Variants in TECPR2 observed in about 807,000 individuals in gnomAD.
TECPR2 encodes the protein tectonin beta-propeller repeat containing 2, also known as tectonin beta-propeller repeat-containing protein 2.
Under a neutral mutation model 138.1 loss-of-function variants are expected in TECPR2, and 65 were observed. The ratio of observed to expected loss-of-function variants is 0.47; its 90% CI spans 0.39 to 0.58. The LOEUF (loss-of-function observed/expected upper bound fraction) is 0.58, where lower values mean the gene tolerates loss of function less well. Among genes scored for constraint, TECPR2 ranks in the 20% least tolerant of loss-of-function variants. The pLI, the probability that TECPR2 is intolerant of heterozygous loss-of-function variation, is 0.00. For synonymous variants in TECPR2, 746 were observed against 749.8 expected (o/e 0.99, Z 0.08); for missense variants, 1,553 against 1,824.5 (o/e 0.85, Z 2.71).
At chr14:102,448,931 A>G (rs1053210887) in intron 13 of TECPR2, among the ~76,000 whole-genome samples, 10 of 151,978 alleles carry the variant, frequency 6.6e-5, no homozygotes, top group African/African-American at 2.4e-4. Flanking sequence ...GTTTCTAAGT[A>G]CCGTATACTG....
chr14:102,432,979 C>T (rs1017447806), intron 8 of TECPR2, among the ~76,000 whole-genome samples: 6 of 145,202 alleles, frequency 4.1e-5, no homozygotes, highest in South Asian at 2.2e-4. Flanking sequence ...ACTCCAGCCT[C>T]GCAACAGAGC....
intron 17 of TECPR2, among the ~76,000 whole-genome samples, chr14:102,481,862 C>G (rs1459499997): frequency 6.6e-6 from 1 of 152,122 alleles, no homozygotes; most frequent in Non-Finnish European, 1.5e-5. Flanking sequence ...CCCATTCCCC[C>G]AGCCACCCAC....
chr14:102,414,631 G>T lies in TECPR2; in HGVS notation c.481-5G>T, dbSNP rs779104316. The T allele has an allele frequency of 6.2e-7, 1 of 1,614,054 alleles. No homozygotes were observed. Among genetic ancestry groups the T allele is most frequent in the South Asian group, 1.1e-5 (1 of 91,072 alleles). ...TGTGAGGTGTAACCAGACTTTCTCT[G>T]CCAGGGGCTCTGTAACTCCCAGCTG... On this transcript the variant is annotated splice_polypyrimidine_tract_variant and splice_region_variant and intron_variant, in intron 4 of 19. Coordinates refer to ENST00000359520, the MANE Select transcript of TECPR2 (RefSeq NM_014844.5).
rs1195402275 is a variant in TECPR2 at position 102,384,743 on chromosome 14, GTA to G, written c.219+7805_219+7806del. 2.7e-5 allele frequency among the ~76,000 whole-genome samples: 4 copies of G among 146,340 alleles called. 1 individual carries two copies. Among genetic ancestry groups the G allele is most frequent in the African/African-American group, 1.0e-4 (4 of 39,730 alleles). On this transcript the variant is annotated intron_variant, in intron 2 of 19. Coordinates refer to ENST00000359520, the MANE Select transcript of TECPR2 (RefSeq NM_014844.5). Reference sequence around the variant, plus strand: ...TATATATACACATATATATGTATATGTATGTGTGTGTATATATATATATCTAT... The same window carrying G: ...TATATATACACATATATATGTATATGTGTGTGTGTATATATATATATCTAT...
intron 17 of TECPR2, among the ~76,000 whole-genome samples, chr14:102,476,379 A>AC (rs1158301091): frequency 1.4e-5 from 2 of 144,022 alleles, no homozygotes; most frequent in East Asian, 4.4e-4. Context: ...AAAAAAAAAA[A>AC]AACAACAAAA....
intron 4 of TECPR2, among the ~76,000 whole-genome samples, chr14:102,410,881 A>T (rs1280479857): frequency 1.3e-5 from 2 of 152,284 alleles, no homozygotes; most frequent in African/African-American, 4.8e-5. Flanking sequence ...TTAACTCTTG[A>T]AGTAAATAAA....
chr14:102,398,072 C>CAAAAAAAA (rs560266373), intron 2 of TECPR2, among the ~76,000 whole-genome samples: 8 of 45,460 alleles, frequency 1.8e-4, no homozygotes, highest in Non-Finnish European at 3.3e-4. Context: ...GATTCTGTCT[C>CAAAAAAAA]AAAAAAAAAA....
intron 1 of TECPR2, among the ~76,000 whole-genome samples, chr14:102,368,976 A>G (rs1887419676): frequency 6.6e-6 from 1 of 152,208 alleles, no homozygotes; most frequent in Admixed American, 6.5e-5. Context: ...AAATGTGATT[A>G]TGCTGTTACC....
At chr14:102,451,492 A>T (rs1233854654) in intron 15 of TECPR2, among the ~76,000 whole-genome samples, 1 of 152,196 alleles carries the variant, frequency 6.6e-6, no homozygotes, top group African/African-American at 2.4e-5. Context: ...TGAGTCTGGC[A>T]TAAATTAATT....
intron 17 of TECPR2, among the ~76,000 whole-genome samples, chr14:102,490,784 G>A (rs1008409828): frequency 2.0e-5 from 3 of 152,208 alleles, no homozygotes; most frequent in Non-Finnish European, 2.9e-5. Context: ...TTGCACCAGC[G>A]TCCGGAACGG....
intron 10 of TECPR2, 26 bp downstream of exon 10, chr14:102,438,231 G>A (rs1341514381): frequency 4.4e-6 from 7 of 1,580,700 alleles, no homozygotes; most frequent in East Asian, 2.2e-5. Context: ...CCCTGCTCCC[G>A]CTCCCTGCTC....
At chr14:102,413,376 T>C (rs1376882188) in intron 4 of TECPR2, among the ~76,000 whole-genome samples, 1 of 149,234 alleles carries the variant, frequency 6.7e-6, no homozygotes, top group East Asian at 1.9e-4. Flanking sequence ...ATATATATAA[T>C]GTATATATAT....
At chr14:102,471,813 G>A (rs1248800482) in intron 17 of TECPR2, among the ~76,000 whole-genome samples, 1 of 152,050 alleles carries the variant, frequency 6.6e-6, no homozygotes, top group Non-Finnish European at 1.5e-5. Context: ...CCTCCTTTTG[G>A]TTTTCTTGCT....
chr14:102,408,864 A>G (rs1392049671), intron 4 of TECPR2, among the ~76,000 whole-genome samples: 1 of 152,186 alleles, frequency 6.6e-6, no homozygotes, highest in East Asian at 1.9e-4. Context: ...TTTTACTTGA[A>G]AAAGAAGCTA....
chr14:102,406,406 C>T (rs1039456162), intron 2 of TECPR2, among the ~76,000 whole-genome samples: 1 of 151,938 alleles, frequency 6.6e-6, no homozygotes, highest in Non-Finnish European at 1.5e-5. Flanking sequence ...AAAAGCGGGG[C>T]GTGGTGGCGG....
At chr14:102,492,485 A>G (rs956982013) in intron 17 of TECPR2, among the ~76,000 whole-genome samples, 2 of 152,246 alleles carry the variant, frequency 1.3e-5, no homozygotes, top group Non-Finnish European at 2.9e-5. Flanking sequence ...TTTCAAATGT[A>G]TATTTTCCTC....
rs566507667 is a variant in TECPR2 at position 102,416,927 on chromosome 14, T to C, written c.638+2134T>C. Among the ~76,000 whole-genome samples the C allele has an allele frequency of 1.4e-4, 21 of 152,290 alleles. No individual in the cohort carries two copies. The East Asian group carries it at 3.3e-3, about 24-fold the overall frequency. On this transcript the variant is annotated intron_variant, in intron 5 of 19. Transcript: ENST00000359520. ...TGAACCGGGGAGACAAAGGTTGCAG[T>C]GAGCTGAGACTGCACCACCGCACTC...
rs565236204 is a variant in TECPR2, at chr14:102,428,222, G to GTTT, written c.952-8_952-6dup. ...ACCGTTGTTTAGTTTTGTGTTTTTTGTTTTTTTTTTTTTTTTTTTTTTGAC... is the reference window on the plus strand; with the variant it reads ...ACCGTTGTTTAGTTTTGTGTTTTTTGTTTTTTTTTTTTTTTTTTTTTTTTTGAC... On this transcript the variant is annotated intron_variant, in intron 6 of 19. Transcript: ENST00000359520. The GTTT allele has an allele frequency of 3.0e-3, 3,169 of 1,055,834 alleles. 58 individuals are homozygous for GTTT. Among genetic ancestry groups the GTTT allele is most frequent in the South Asian group, 8.2e-3 (424 of 51,540 alleles). 65.4% of individuals were successfully genotyped at this position (1,055,834 alleles called of 1,614,324 possible).
intron 16 of TECPR2, among the ~76,000 whole-genome samples, chr14:102,457,792 G>A (rs1890309863): frequency 6.7e-6 from 1 of 149,200 alleles, no homozygotes; most frequent in Non-Finnish European, 1.5e-5. Flanking sequence ...ATTTGAGGAT[G>A]TTGTTCAATA....
Sources: gnomAD v4.1 joint callset for allele counts (sites outside exome capture counted in the v4.1 genomes callset) on GRCh38, gnomAD v4.1.1 for gene constraint, MANE v1.5 for transcripts, NCBI Gene and HGNC (gene_info 2026-07-23, HGNC 2026-07-21) for gene names.